Variants in EHBP1 observed in about 807,000 individuals in gnomAD.
The protein encoded by EHBP1 is EH domain-binding protein 1.
Under a neutral mutation model 144.0 loss-of-function variants are expected in EHBP1, and 55 were observed. The ratio of observed to expected loss-of-function variants is 0.38; its 90% CI spans 0.31 to 0.48. The LOEUF (loss-of-function observed/expected upper bound fraction) is 0.48. EHBP1 is among the 20% of genes least tolerant of loss of function. The probability of loss-of-function intolerance (pLI) is 0.98; values close to 1 mark genes in which losing one functional copy is unlikely to be tolerated. For synonymous variants in EHBP1, 469 were observed against 472.7 expected, an observed-to-expected ratio of 0.99 and a Z score of 0.10; for missense variants, 1,200 against 1,364.2, an observed-to-expected ratio of 0.88 and a Z score of 1.90.
At chr2:62,860,290 GC>G (rs1214438616) in intron 8 of EHBP1, among the ~76,000 whole-genome samples, 1 of 152,052 alleles carries the variant, frequency 6.6e-6, no homozygotes, top group Non-Finnish European at 1.5e-5. Flanking sequence ...ACAAGTTTGC[GC>G]CCAGCCTGAC....
intron 13 of EHBP1, among the ~76,000 whole-genome samples, chr2:62,954,713 A>G (rs374088134): frequency 6.6e-6 from 1 of 152,176 alleles, no homozygotes. Flanking sequence ...CTTGACAGTG[A>G]TACTTATGAT....
intron 15 of EHBP1, among the ~76,000 whole-genome samples, chr2:62,980,295 C>T (rs1484048701): frequency 6.6e-6 from 1 of 152,192 alleles, no homozygotes; most frequent in African/African-American, 2.4e-5. Flanking sequence ...CTCACATGTG[C>T]AGTTCACAAT....
At chr2:62,959,210 C>A (rs927692372) in intron 14 of EHBP1, among the ~76,000 whole-genome samples, 4 of 152,198 alleles carry the variant, frequency 2.6e-5, no homozygotes, top group African/African-American at 9.6e-5. Flanking sequence ...ACAGGACTTT[C>A]TGCTTTTTTA....
intron 1 of EHBP1, among the ~76,000 whole-genome samples, chr2:62,675,383 G>T (rs1275132569): frequency 1.3e-5 from 2 of 152,132 alleles, no homozygotes; most frequent in Admixed American, 6.5e-5. Context: ...GTCTATATGT[G>T]CAAGTCATGG....
intron 4 of EHBP1, among the ~76,000 whole-genome samples, chr2:62,767,410 G>A (rs1447233613): frequency 6.6e-6 from 1 of 152,020 alleles, no homozygotes; most frequent in Non-Finnish European, 1.5e-5. Flanking sequence ...TATAAAAGTA[G>A]GGTATGACCA....
chr2:62,927,646 T>C (rs2055631297), intron 10 of EHBP1, among the ~76,000 whole-genome samples: 1 of 152,162 alleles, frequency 6.6e-6, no homozygotes, highest in African/African-American at 2.4e-5. Flanking sequence ...GAAGTAGACA[T>C]ACACATACTT....
intron 19 of EHBP1, among the ~76,000 whole-genome samples, chr2:63,033,292 G>GT (rs1273593986): frequency 1.3e-5 from 2 of 151,988 alleles, no homozygotes; most frequent in Admixed American, 6.6e-5. Flanking sequence ...GTAATGGCAG[G>GT]TTTTTTTGTT....
chr2:62,843,229 A>G (rs1262334239), intron 7 of EHBP1, among the ~76,000 whole-genome samples: 4 of 152,176 alleles, frequency 2.6e-5, no homozygotes, highest in Non-Finnish European at 5.9e-5. Flanking sequence ...CATATTAGGA[A>G]TTGAATATAT....
At chr2:63,025,901 G>A (rs537986560) in intron 19 of EHBP1, among the ~76,000 whole-genome samples, 2 of 152,292 alleles carry the variant, frequency 1.3e-5, no homozygotes, top group Non-Finnish European at 2.9e-5. Flanking sequence ...AACAGAACAT[G>A]TGTAACCTTG....
intron 5 of EHBP1, among the ~76,000 whole-genome samples, chr2:62,784,636 T>C (rs1376969081): frequency 6.6e-6 from 1 of 152,112 alleles, no homozygotes; most frequent in Non-Finnish European, 1.5e-5. Context: ...CACCAGATAA[T>C]TGTGTGAAGA....
At chr2:62,937,005 C>T (rs143221136) in intron 10 of EHBP1, among the ~76,000 whole-genome samples, 68 of 152,276 alleles carry the variant, frequency 4.5e-4, no homozygotes, top group Admixed American at 1.5e-3. Flanking sequence ...TTAATTAGCT[C>T]TTGTTCTAGT....
At chr2:63,016,544 C>T (rs960536517) in intron 19 of EHBP1, among the ~76,000 whole-genome samples, 1 of 151,922 alleles carries the variant, frequency 6.6e-6, no homozygotes, top group Non-Finnish European at 1.5e-5. Flanking sequence ...GATTCTCCCA[C>T]CTCAGCCCCC....
intron 10 of EHBP1, among the ~76,000 whole-genome samples, chr2:62,875,453 T>C (rs1199130088): frequency 6.6e-6 from 1 of 152,078 alleles, no homozygotes; most frequent in Non-Finnish European, 1.5e-5. Context: ...AGTCAAACCT[T>C]CAATGGCATC....
intron 19 of EHBP1, among the ~76,000 whole-genome samples, chr2:63,031,328 C>G (rs2061239118): frequency 6.6e-6 from 1 of 152,138 alleles, no homozygotes; most frequent in African/African-American, 2.4e-5. Flanking sequence ...GGGAAGCTTA[C>G]AATTCAAGTT....
At chr2:62,997,051 T>TA (rs1195807588) in intron 19 of EHBP1, among the ~76,000 whole-genome samples, 7 of 150,752 alleles carry the variant, frequency 4.6e-5, no homozygotes, top group East Asian at 1.9e-4. Flanking sequence ...TGCCACTGCT[T>TA]AAAAAAAAAG....
chr2:62,680,250 C>G (rs2033463698), intron 1 of EHBP1, among the ~76,000 whole-genome samples: 1 of 152,204 alleles, frequency 6.6e-6, no homozygotes, highest in Admixed American at 6.5e-5. Context: ...AGTTCCTCCC[C>G]TCTCATTTTC....
Position 62,993,526 on chromosome 2 carries a change from T to C in EHBP1, c.2734-4T>C, listed in dbSNP as rs192792364. 4.1e-3 allele frequency: 6,525 copies of C among 1,577,296 alleles called. 23 individuals are homozygous for C. The highest frequency in any genetic ancestry group is 5.1e-3 in the Non-Finnish European group (5,902 of 1,158,108). Reference sequence around the variant, plus strand: ...TCTCTTACCATGTGTTGTTTTACGTTTAGAGTGGCACAGAAGATCTCCGGA... The same window carrying C: ...TCTCTTACCATGTGTTGTTTTACGTCTAGAGTGGCACAGAAGATCTCCGGA... On this transcript the variant is annotated splice_region_variant and splice_polypyrimidine_tract_variant and intron_variant, in intron 16 of 22. Coordinates refer to ENST00000431489, the MANE Select transcript of EHBP1 (RefSeq NM_001142616.3).
chr2:62,844,063 C>T (rs2048118099), intron 7 of EHBP1, among the ~76,000 whole-genome samples: 1 of 152,144 alleles, frequency 6.6e-6, no homozygotes. Context: ...TATTGTTTCT[C>T]CAACAAAGCT....
chr2:62,905,803 G>C (rs1308876957), intron 10 of EHBP1, among the ~76,000 whole-genome samples: 1 of 151,926 alleles, frequency 6.6e-6, no homozygotes, highest in Non-Finnish European at 1.5e-5. Flanking sequence ...CAGCCTGGGC[G>C]ACAGGGTGAG....
Sources: allele counts gnomAD v4.1 joint callset (sites outside exome capture counted in the v4.1 genomes callset), GRCh38; gene constraint gnomAD v4.1.1; transcripts MANE v1.5; gene names NCBI Gene and HGNC (gene_info 2026-07-23, HGNC 2026-07-21).